The following DPP10 variants were observed in gnomAD, a reference collection of about 807,000 sequenced individuals.
The protein encoded by DPP10 is inactive dipeptidyl peptidase 10.
In DPP10, 33 loss-of-function variants were observed where a neutral mutation model predicts 120.9. The observed-to-expected ratio is 0.27, with a 90% confidence interval of 0.21 to 0.37. The LOEUF is 0.37. Ranked by LOEUF, DPP10 falls within the 10% of genes least tolerant of loss-of-function variation. The pLI is 1.00. For synonymous variants in DPP10, 337 were observed against 326.1 expected (o/e 1.03, Z -0.36); for missense variants, 816 against 942.8 (o/e 0.87, Z 1.76).
intron 1 of DPP10, among the ~76,000 whole-genome samples, chr2:115,135,167 G>A (rs112740183): frequency 0.018 from 2,752 of 151,766 alleles, 67 homozygotes; most frequent in African/African-American, 0.061. Flanking sequence ...CGTCATGTAC[G>A]TAAAAACAGC....
chr2:115,803,317 A>T (rs1189496239), intron 19 of DPP10, among the ~76,000 whole-genome samples: 1 of 151,994 alleles, frequency 6.6e-6, no homozygotes, highest in Non-Finnish European at 1.5e-5. Context: ...TTTTGAGCCT[A>T]TGTGTGTCTC....
At chr2:115,292,717 C>G (rs949910469) in intron 1 of DPP10, among the ~76,000 whole-genome samples, 5 of 152,112 alleles carry the variant, frequency 3.3e-5, no homozygotes, top group African/African-American at 1.2e-4. Flanking sequence ...ATTGATGATG[C>G]TATTGGTTTA....
At chr2:114,870,266 A>G (rs1690579286) in intron 1 of DPP10, among the ~76,000 whole-genome samples, 2 of 152,206 alleles carry the variant, frequency 1.3e-5, no homozygotes, top group East Asian at 3.8e-4. Context: ...TAAAATGGTT[A>G]TAATAATAAT....
rs977015015 is a variant in DPP10 at position 114,875,021 on chromosome 2, C to T, written c.60+432183C>T. 3.9e-5 allele frequency among the ~76,000 whole-genome samples: 6 copies of T among 152,216 alleles called. No individual in the cohort carries two copies. The South Asian group carries it at 1.2e-3, about 32-fold the overall frequency. The stretch of plus-strand genomic sequence containing the variant: ...ACAACAATGGCAACCAAAACAAAAA[C>T]CTTATGCCACAATTATTCTGTCATC... On this transcript the variant is annotated intron_variant, in intron 1 of 25. Coordinates refer to ENST00000410059, the MANE Select transcript of DPP10 (RefSeq NM_020868.6).
intron 1 of DPP10, among the ~76,000 whole-genome samples, chr2:114,610,266 C>T (rs562572294): frequency 6.6e-6 from 1 of 152,100 alleles, no homozygotes; most frequent in Non-Finnish European, 1.5e-5. Flanking sequence ...TAAACCCTGG[C>T]TGGGCATTAG....
intron 1 of DPP10, among the ~76,000 whole-genome samples, chr2:114,630,076 T>C (rs568584786): frequency 6.6e-6 from 1 of 152,264 alleles, no homozygotes; most frequent in African/African-American, 2.4e-5. Context: ...TTGATAAAAT[T>C]TGGACGATTA....
At chr2:114,757,476 G>A (rs17729314) in intron 1 of DPP10, among the ~76,000 whole-genome samples, 3,704 of 152,154 alleles carry the variant, frequency 0.024, 79 homozygotes, top group South Asian at 0.094. Context: ...CAATTAGTTT[G>A]CATACCAGGC....
chr2:115,723,473 T>C (rs6748142), intron 7 of DPP10, among the ~76,000 whole-genome samples: 1 of 151,984 alleles, frequency 6.6e-6, no homozygotes, highest in East Asian at 1.9e-4. Context: ...TAGTAATCCA[T>C]CCAGGCATTC....
At chr2:115,620,843 G>A (rs531543022) in intron 5 of DPP10, among the ~76,000 whole-genome samples, 19 of 152,236 alleles carry the variant, frequency 1.2e-4, no homozygotes, top group South Asian at 6.2e-4. Flanking sequence ...TTTTGAGAGC[G>A]AAGAAAGCAG....
intron 1 of DPP10, among the ~76,000 whole-genome samples, chr2:115,017,729 T>A (rs1702757001): frequency 6.6e-6 from 1 of 151,912 alleles, no homozygotes; most frequent in Non-Finnish European, 1.5e-5. Flanking sequence ...CTGGAAACCA[T>A]CATTCTCAGC....
At chr2:115,708,328 G>A (rs1446887509) in intron 7 of DPP10, among the ~76,000 whole-genome samples, 2 of 151,746 alleles carry the variant, frequency 1.3e-5, no homozygotes, top group African/African-American at 4.8e-5. Flanking sequence ...AATTCTACTT[G>A]GTAAAAAAGA....
intron 1 of DPP10, among the ~76,000 whole-genome samples, chr2:114,849,495 C>T (rs953351420): frequency 1.3e-5 from 2 of 151,988 alleles, no homozygotes; most frequent in Non-Finnish European, 2.9e-5. Context: ...CACCGTCACA[C>T]CTGGCTAATT....
intron 4 of DPP10, among the ~76,000 whole-genome samples, chr2:115,522,014 A>T (rs2077840874): frequency 6.6e-6 from 1 of 152,178 alleles, no homozygotes; most frequent in Non-Finnish European, 1.5e-5. Flanking sequence ...AAAACTGGCA[A>T]GCTTGTAGGC....
intron 1 of DPP10, among the ~76,000 whole-genome samples, chr2:114,583,986 T>C (rs1690743520): frequency 6.6e-6 from 1 of 152,196 alleles, no homozygotes; most frequent in Non-Finnish European, 1.5e-5. Context: ...CACACATGTA[T>C]GTTAAGACTT....
chr2:115,119,548 A>G (rs2049714069), intron 1 of DPP10, among the ~76,000 whole-genome samples: 1 of 152,166 alleles, frequency 6.6e-6, no homozygotes, highest in Non-Finnish European at 1.5e-5. Flanking sequence ...ATTATTTGGT[A>G]TAATGGATGA....
At chr2:115,167,815 C>T (rs2053011899) in intron 1 of DPP10, among the ~76,000 whole-genome samples, 1 of 152,126 alleles carries the variant, frequency 6.6e-6, no homozygotes, top group Non-Finnish European at 1.5e-5. Flanking sequence ...TACATCCTGA[C>T]TTTCATTCAA....
intron 5 of DPP10, among the ~76,000 whole-genome samples, chr2:115,612,960 A>G (rs1039109463): frequency 6.6e-6 from 1 of 152,100 alleles, no homozygotes; most frequent in African/African-American, 2.4e-5. Flanking sequence ...TGATAAATCA[A>G]TTGTATAAAA....
chr2:115,691,424 A>G (rs781700808), intron 7 of DPP10, among the ~76,000 whole-genome samples: 16 of 151,998 alleles, frequency 1.1e-4, no homozygotes, highest in Non-Finnish European at 2.1e-4. Context: ...CCATTTTTAT[A>G]TATGTTTTAT....
chr2:115,283,175 G>A (rs2060231487), intron 1 of DPP10, among the ~76,000 whole-genome samples: 2 of 151,914 alleles, frequency 1.3e-5, no homozygotes, highest in South Asian at 4.1e-4. Flanking sequence ...GGCTTCCTGT[G>A]TCTTAGGGCT....
Sources: gnomAD v4.1 joint callset for allele counts (sites outside exome capture counted in the v4.1 genomes callset) on GRCh38, gnomAD v4.1.1 for gene constraint, MANE v1.5 for transcripts, NCBI Gene and HGNC (gene_info 2026-07-23, HGNC 2026-07-21) for gene names.